The following SRPK1 variants were observed in gnomAD, a reference collection of about 807,000 sequenced individuals.
SRPK1 encodes SRSF protein kinase 1.
Under a neutral mutation model 89.5 loss-of-function variants are expected in SRPK1, and 52 were observed. The observed-to-expected ratio is 0.58, with a 90% CI of 0.46 to 0.73. The LOEUF is 0.73. Ranked by LOEUF, SRPK1 falls within the 30% of genes least tolerant of loss-of-function variation. The probability of loss-of-function intolerance (pLI) is 0.00; values close to 1 mark genes in which losing one functional copy is unlikely to be tolerated. For missense variants in SRPK1, 603 were observed against 780.6 expected (o/e 0.77, Z 2.71); for synonymous variants, 255 against 270.2 (o/e 0.94, Z 0.55).
intron 8 of SRPK1, among the ~76,000 whole-genome samples, chr6:35,871,198 G>A (rs1770029087): frequency 6.6e-6 from 1 of 152,082 alleles, no homozygotes; most frequent in South Asian, 2.1e-4. Flanking sequence ...TCCTCCCCAG[G>A]TAAACTAAAG....
At chr6:35,861,091 C>T (rs111816942) in intron 12 of SRPK1, among the ~76,000 whole-genome samples, 2,425 of 152,240 alleles carry the variant, frequency 0.016, 26 homozygotes, top group Middle Eastern at 0.037. Context: ...TAGTATGTGC[C>T]TCATCCACAG....
At chr6:35,902,002 G>A (rs1342723505) in intron 2 of SRPK1, among the ~76,000 whole-genome samples, 5 of 151,988 alleles carry the variant, frequency 3.3e-5, no homozygotes, top group African/African-American at 1.2e-4. Flanking sequence ...ATCCTCAGGT[G>A]ACTATACTCC....
chr6:35,875,007 T>C (rs955489730), intron 6 of SRPK1, among the ~76,000 whole-genome samples: 1 of 152,224 alleles, frequency 6.6e-6, no homozygotes, highest in African/African-American at 2.4e-5. Context: ...AGTATCTTGA[T>C]GTCTTCCACC....
chr6:35,915,894 C>T (rs1378412785), intron 2 of SRPK1, among the ~76,000 whole-genome samples: 1 of 150,598 alleles, frequency 6.6e-6, no homozygotes, highest in African/African-American at 2.5e-5. Flanking sequence ...ATCACTTGAA[C>T]CCAGGAGGCG....
At chr6:35,863,054 G>A (rs1769818234) in intron 12 of SRPK1, among the ~76,000 whole-genome samples, 2 of 152,162 alleles carry the variant, frequency 1.3e-5, no homozygotes, top group Non-Finnish European at 2.9e-5. Flanking sequence ...AGGAGGCTGA[G>A]CCAGGAGGAT....
chr6:35,883,583 G>A (rs1770342797), intron 6 of SRPK1, among the ~76,000 whole-genome samples: 1 of 151,938 alleles, frequency 6.6e-6, no homozygotes, highest in African/African-American at 2.4e-5. Flanking sequence ...TAATTTGTAA[G>A]CAGTGATATT....
At chr6:35,892,237 CTA>C (rs917541802) in intron 2 of SRPK1, among the ~76,000 whole-genome samples, 9 of 152,242 alleles carry the variant, frequency 5.9e-5, no homozygotes, top group African/African-American at 2.2e-4. Context: ...ATTTCCTTCT[CTA>C]TATGTCTTCA....
At chr6:35,909,677 G>A (rs897521954) in intron 2 of SRPK1, among the ~76,000 whole-genome samples, 1 of 152,204 alleles carries the variant, frequency 6.6e-6, no homozygotes, top group African/African-American at 2.4e-5. Context: ...AGACCACGTG[G>A]GAGGTGATCA....
chr6:35,886,769 CA>C lies in SRPK1; in HGVS notation c.432del (p.Val145PhefsTer4). 6.2e-7 allele frequency: 1 copy of C among 1,611,426 alleles called. No homozygotes were observed. On this transcript the variant is annotated frameshift_variant, in exon 6 of 16. Transcript: ENST00000373825. LOFTEE classifies it high-confidence loss of function. The stretch of plus-strand genomic sequence containing the variant: ...ATTTTAAAGTCATCTAGTAGTTGAA[CA>C]ACCATTTCTCTATTTGGATCATTAG... ...SDPNDPNREMVVQLLDDFKIS... is the reference protein window; with the variant it reads ...SDPNDPNREMXVQLLDDFKIS...
chr6:35,918,182 AAGAC>A (rs1487703254), intron 2 of SRPK1, among the ~76,000 whole-genome samples: 7 of 151,098 alleles, frequency 4.6e-5, no homozygotes, highest in Non-Finnish European at 7.4e-5. Flanking sequence ...AAAGAAAAGA[AAGAC>A]AGAAAGAAAG....
At chr6:35,914,324 C>T (rs1771043570) in intron 2 of SRPK1, among the ~76,000 whole-genome samples, 1 of 152,062 alleles carries the variant, frequency 6.6e-6, no homozygotes, top group Non-Finnish European at 1.5e-5. Context: ...AAAAGATCAA[C>T]AATCTAATAT....
chr6:35,839,162 T>C (rs1427223179), intron 14 of SRPK1, among the ~76,000 whole-genome samples: 1 of 152,112 alleles, frequency 6.6e-6, no homozygotes. Context: ...ATTTCAGGCA[T>C]GTGCCACCAC....
chr6:35,853,543 A>G (rs1769602188), intron 13 of SRPK1, among the ~76,000 whole-genome samples: 1 of 152,064 alleles, frequency 6.6e-6, no homozygotes, highest in Non-Finnish European at 1.5e-5. Flanking sequence ...TTTTTCCCTA[A>G]TCTTTCCCTT....
At position 35,921,071 on chromosome 6, in the gene SRPK1, T is replaced by C. The variant is rs2127274878; in HGVS notation, c.-15A>G. The C allele has an allele frequency of 2.0e-6, 3 of 1,521,794 alleles. No homozygotes were observed. Among genetic ancestry groups the C allele is most frequent in the Non-Finnish European group, 2.6e-6 (3 of 1,134,534 alleles). The allele number at this position is 1,521,794 out of a possible 1,614,324, so 94.3% of individuals were successfully genotyped here. Reference sequence around the variant, plus strand: ...TTCCGCTCCATGGTGAGACCGGTAATCGCCAGGCGCCTGCGCACTCGAGTG... The same window carrying C: ...TTCCGCTCCATGGTGAGACCGGTAACCGCCAGGCGCCTGCGCACTCGAGTG... On this transcript the variant is annotated 5_prime_UTR_variant, in exon 1 of 16. Coordinates refer to ENST00000373825, the MANE Select transcript of SRPK1 (RefSeq NM_003137.5).
At chr6:35,879,795 G>A (rs1339021712) in intron 6 of SRPK1, among the ~76,000 whole-genome samples, 2 of 152,200 alleles carry the variant, frequency 1.3e-5, no homozygotes, top group Non-Finnish European at 2.9e-5. Context: ...GCTTAGGCCA[G>A]GTGTGGTGGC....
intron 2 of SRPK1, among the ~76,000 whole-genome samples, chr6:35,899,956 G>A (rs748501016): frequency 3.1e-4 from 47 of 150,444 alleles, no homozygotes; most frequent in African/African-American, 8.6e-4. Flanking sequence ...AGCTGGGATC[G>A]CACCACTACA....
At chr6:35,854,220 G>A (rs2151083267) in intron 13 of SRPK1, among the ~76,000 whole-genome samples, 1 of 152,198 alleles carries the variant, frequency 6.6e-6, no homozygotes, top group East Asian at 1.9e-4. Flanking sequence ...CAAAGTGCTG[G>A]AATTACAAGT....
At chr6:35,890,335 G>A (rs1770493767) in intron 3 of SRPK1, among the ~76,000 whole-genome samples, 1 of 152,168 alleles carries the variant, frequency 6.6e-6, no homozygotes, top group African/African-American at 2.4e-5. Flanking sequence ...CAAGAATCAA[G>A]GTATTTTCAT....
chr6:35,842,035 T>C (rs1191926901), intron 14 of SRPK1, among the ~76,000 whole-genome samples: 1 of 152,088 alleles, frequency 6.6e-6, no homozygotes, highest in African/African-American at 2.4e-5. Flanking sequence ...TCTACTTTGT[T>C]TTAAAATGGA....
Sources: allele counts gnomAD v4.1 joint callset (sites outside exome capture counted in the v4.1 genomes callset), GRCh38; gene constraint gnomAD v4.1.1; transcripts MANE v1.5; gene names NCBI Gene and HGNC (gene_info 2026-07-23, HGNC 2026-07-21).